Variants in DPP10 observed in about 807,000 individuals in gnomAD.
DPP10 encodes inactive dipeptidyl peptidase 10.
A neutral mutation model predicts 120.9 loss-of-function variants in DPP10; 33 were observed. That is an observed-to-expected ratio of 0.27 (90% CI 0.21 to 0.37). The LOEUF is 0.37. DPP10 is among the 10% of genes least tolerant of loss of function. The probability of loss-of-function intolerance (pLI) is 1.00; values close to 1 mark genes in which losing one functional copy is unlikely to be tolerated. For synonymous variants in DPP10, 337 were observed against 326.1 expected, an observed-to-expected ratio of 1.03 and a Z score of -0.36; for missense variants, 816 against 942.8, an observed-to-expected ratio of 0.87 and a Z score of 1.76.
chr2:114,873,003 C>A (rs1379141770), intron 1 of DPP10, among the ~76,000 whole-genome samples: 4 of 152,186 alleles, frequency 2.6e-5, no homozygotes, highest in African/African-American at 9.7e-5. Context: ...GGAAACCAAG[C>A]ACCCTGTATT....
At chr2:114,684,585 A>G (rs1047787229) in intron 1 of DPP10, among the ~76,000 whole-genome samples, 2 of 151,980 alleles carry the variant, frequency 1.3e-5, no homozygotes, top group Admixed American at 6.6e-5. Flanking sequence ...ACTAGGACAC[A>G]TCAAACAACC....
chr2:115,057,065 A>G (rs1309248231), intron 1 of DPP10, among the ~76,000 whole-genome samples: 2 of 152,228 alleles, frequency 1.3e-5, no homozygotes, highest in Admixed American at 1.3e-4. Context: ...AAACAAAAGA[A>G]AAGAAAAAAT....
intron 7 of DPP10, among the ~76,000 whole-genome samples, chr2:115,712,540 T>TTTTATTTATATATATA (rs778592374): frequency 1.7e-4 from 3 of 18,058 alleles, no homozygotes; most frequent in African/African-American, 3.5e-4. Context: ...GAGTCCTGAA[T>TTTTATTTATATATATA]TAAATATATA....
At chr2:115,164,867 C>T (rs1191326640) in intron 1 of DPP10, among the ~76,000 whole-genome samples, 4 of 152,290 alleles carry the variant, frequency 2.6e-5, no homozygotes, top group Admixed American at 6.5e-5. Context: ...TAGGAGGGAC[C>T]GTGTAGGGAC....
intron 1 of DPP10, among the ~76,000 whole-genome samples, chr2:114,550,547 C>T (rs1317450356): frequency 6.6e-6 from 1 of 152,204 alleles, no homozygotes; most frequent in Admixed American, 6.5e-5. Flanking sequence ...GTGTGGAGTG[C>T]TCTGTATGAA....
chr2:114,921,829 G>C (rs905685352), intron 1 of DPP10, among the ~76,000 whole-genome samples: 1 of 152,190 alleles, frequency 6.6e-6, no homozygotes, highest in Non-Finnish European at 1.5e-5. Context: ...TTCAATGAGT[G>C]AATTGAATAT....
chr2:114,531,130 A>G (rs1252948357), intron 1 of DPP10, among the ~76,000 whole-genome samples: 2 of 152,122 alleles, frequency 1.3e-5, no homozygotes, highest in East Asian at 3.9e-4. Flanking sequence ...TTCCTCAAAC[A>G]TGTATTAAGC....
chr2:114,996,672 G>T (rs1701105231), intron 1 of DPP10, among the ~76,000 whole-genome samples: 1 of 152,086 alleles, frequency 6.6e-6, no homozygotes, highest in Admixed American at 6.5e-5. Flanking sequence ...AAACTTTCCA[G>T]ATTCACATTA....
chr2:115,608,330 T>C (rs1431794321), intron 5 of DPP10, among the ~76,000 whole-genome samples: 1 of 151,946 alleles, frequency 6.6e-6, no homozygotes, highest in East Asian at 1.9e-4. Flanking sequence ...GCAGAAGCTG[T>C]AGTGAGCCAA....
At chr2:115,757,127 T>C (rs1446489) in intron 11 of DPP10, among the ~76,000 whole-genome samples, 85,588 of 151,700 alleles carry the variant, frequency 0.56, 25,527 homozygotes, top group East Asian at 0.72. Flanking sequence ...CTAAGGAGTA[T>C]ATGATAACAT....
intron 1 of DPP10, among the ~76,000 whole-genome samples, chr2:115,002,377 T>C (rs1395630857): frequency 6.6e-6 from 1 of 152,090 alleles, no homozygotes; most frequent in Non-Finnish European, 1.5e-5. Flanking sequence ...CAATTCAAAA[T>C]AAATTAAAAC....
At chr2:114,950,596 C>T (rs950039416) in intron 1 of DPP10, among the ~76,000 whole-genome samples, 14 of 151,528 alleles carry the variant, frequency 9.2e-5, no homozygotes, top group Non-Finnish European at 1.5e-4. Context: ...ATCTTGAATA[C>T]CTTTTAGATT....
intron 1 of DPP10, among the ~76,000 whole-genome samples, chr2:115,220,468 T>A (rs1038873807): frequency 2.0e-5 from 3 of 152,126 alleles, no homozygotes; most frequent in Middle Eastern, 3.4e-3. Flanking sequence ...TCCCAGTGGT[T>A]TGGGAGGCTG....
intron 1 of DPP10, among the ~76,000 whole-genome samples, chr2:114,929,908 T>A (rs1695943359): frequency 6.6e-6 from 1 of 152,186 alleles, no homozygotes; most frequent in African/African-American, 2.4e-5. Flanking sequence ...AATATTAATT[T>A]GGGGAACTAA....
intron 1 of DPP10, among the ~76,000 whole-genome samples, chr2:114,582,286 C>T (rs1247672440): frequency 6.6e-6 from 1 of 152,166 alleles, no homozygotes; most frequent in Non-Finnish European, 1.5e-5. Flanking sequence ...CATTTCTTTA[C>T]AGTGCTGAAT....
At chr2:115,685,258 T>C (rs2090921834) in intron 5 of DPP10, among the ~76,000 whole-genome samples, 1 of 151,984 alleles carries the variant, frequency 6.6e-6, no homozygotes, top group Admixed American at 6.6e-5. Flanking sequence ...CAGGACTATC[T>C]TAAGTTTGAC....
intron 1 of DPP10, among the ~76,000 whole-genome samples, chr2:115,064,218 A>G (rs1160782316): frequency 6.6e-6 from 1 of 152,044 alleles, no homozygotes; most frequent in Non-Finnish European, 1.5e-5. Flanking sequence ...TATTATGCCT[A>G]CAAACATACT....
At chr2:114,967,989 G>A (rs1325516951) in intron 1 of DPP10, among the ~76,000 whole-genome samples, 1 of 151,986 alleles carries the variant, frequency 6.6e-6, no homozygotes, top group African/African-American at 2.4e-5. Flanking sequence ...TGCATATCAA[G>A]TGTAAAAATC....
intron 1 of DPP10, among the ~76,000 whole-genome samples, chr2:114,858,556 T>C (rs922640815): frequency 6.6e-6 from 1 of 152,194 alleles, no homozygotes; most frequent in Non-Finnish European, 1.5e-5. Context: ...GCATTTTCTT[T>C]TAAAAAGAGC....
Sources: gnomAD v4.1 joint callset for allele counts (sites outside exome capture counted in the v4.1 genomes callset) on GRCh38, gnomAD v4.1.1 for gene constraint, MANE v1.5 for transcripts, NCBI Gene and HGNC (gene_info 2026-07-23, HGNC 2026-07-21) for gene names.